Variants in CFAP299 observed in about 807,000 individuals in gnomAD.
CFAP299 encodes the protein cilia- and flagella-associated protein 299.
CFAP299 carries 21 observed loss-of-function variants against 27.0 expected under a neutral mutation model. The observed-to-expected ratio is 0.78, with a 90% confidence interval of 0.55 to 1.12. The LOEUF is 1.12. Ranked by LOEUF, CFAP299 falls within the 50% of genes most tolerant of loss-of-function variation. The pLI, the probability that CFAP299 is intolerant of heterozygous loss-of-function variation, is 0.00. For synonymous variants in CFAP299, 104 were observed against 98.1 expected, an observed-to-expected ratio of 1.06 and a Z score of -0.36; for missense variants, 310 against 276.6, an observed-to-expected ratio of 1.12 and a Z score of -0.86.
intron 2 of CFAP299, among the ~76,000 whole-genome samples, chr4:80,400,699 T>C (rs573983510): frequency 9.2e-5 from 14 of 152,292 alleles, no homozygotes; most frequent in Admixed American, 3.3e-4. Flanking sequence ...AGTAATACAG[T>C]AAATTTGTAC....
At chr4:80,892,458 T>C (rs1734356451) in intron 4 of CFAP299, among the ~76,000 whole-genome samples, 1 of 152,148 alleles carries the variant, frequency 6.6e-6, no homozygotes, top group Non-Finnish European at 1.5e-5. Context: ...AAAAATTTCT[T>C]GAGTAATACC....
chr4:80,950,253 A>ACCC (rs5859743), intron 5 of CFAP299, among the ~76,000 whole-genome samples: 1,676 of 145,464 alleles, frequency 0.012, 19 homozygotes, highest in East Asian at 0.067. Flanking sequence ...TCTTCCCTCC[A>ACCC]CCCCCCCCCT....
intron 3 of CFAP299, among the ~76,000 whole-genome samples, chr4:80,849,142 T>C (rs2110146262): frequency 6.6e-6 from 1 of 152,294 alleles, no homozygotes; most frequent in East Asian, 1.9e-4. Flanking sequence ...TATTTGTCTT[T>C]ATATCATTCT....
At chr4:80,773,178 T>G (rs1031819370) in intron 3 of CFAP299, among the ~76,000 whole-genome samples, 6 of 152,172 alleles carry the variant, frequency 3.9e-5, no homozygotes, top group Non-Finnish European at 7.3e-5. Flanking sequence ...ACAGAATTGG[T>G]AAAATTCTGG....
At chr4:80,771,577 A>G (rs1726219621) in intron 3 of CFAP299, among the ~76,000 whole-genome samples, 1 of 152,146 alleles carries the variant, frequency 6.6e-6, no homozygotes, top group South Asian at 2.1e-4. Flanking sequence ...ACTGGTTTAA[A>G]GAAGATAGGC....
intron 3 of CFAP299, among the ~76,000 whole-genome samples, chr4:80,738,803 T>C (rs1349936851): frequency 6.6e-6 from 1 of 151,990 alleles, no homozygotes; most frequent in African/African-American, 2.4e-5. Flanking sequence ...TTTTGGAGTC[T>C]TCTCTTTCTT....
intron 3 of CFAP299, among the ~76,000 whole-genome samples, chr4:80,837,558 A>G (rs763299276): frequency 3.6e-4 from 55 of 152,028 alleles, no homozygotes; most frequent in Non-Finnish European, 6.9e-4. Context: ...TTCCTTTGTT[A>G]GTTTGCTGAG....
In CFAP299 at chr4:80,680,302, T is replaced by G. The variant is rs139859006; in HGVS notation, c.333+97119T>G. On this transcript the variant is annotated intron_variant, in intron 3 of 5. Coordinates refer to ENST00000358105, the MANE Select transcript of CFAP299 (RefSeq NM_152770.3). Reference sequence around the variant, plus strand: ...TCAACCTCTGGACGAAATCTTAATTTCCATTTAAATAATTCCTCAGTTTCT... The same window carrying G: ...TCAACCTCTGGACGAAATCTTAATTGCCATTTAAATAATTCCTCAGTTTCT... Among the ~76,000 whole-genome samples, 174 of 152,280 alleles carry G rather than the reference T, an allele frequency of 1.1e-3. 1 individual carries two copies. The East Asian group carries it at 0.026, about 23-fold the overall frequency.
intron 3 of CFAP299, among the ~76,000 whole-genome samples, chr4:80,765,305 A>G (rs1333200701): frequency 6.6e-6 from 1 of 152,186 alleles, no homozygotes; most frequent in African/African-American, 2.4e-5. Context: ...AAACAGTCTC[A>G]GGAAGTTGGT....
intron 3 of CFAP299, among the ~76,000 whole-genome samples, chr4:80,828,395 T>C (rs566555830): frequency 2.8e-4 from 43 of 152,124 alleles, no homozygotes; most frequent in Non-Finnish European, 5.9e-4. Flanking sequence ...GCCTATGTGG[T>C]CAAATGATTT....
chr4:80,815,562 T>C (rs531616344), intron 3 of CFAP299, among the ~76,000 whole-genome samples: 2 of 151,954 alleles, frequency 1.3e-5, no homozygotes, highest in East Asian at 1.9e-4. Context: ...GAGGTATTAG[T>C]TTAAAAGTTA....
chr4:80,627,397 G>A (rs897999973), intron 3 of CFAP299, among the ~76,000 whole-genome samples: 6 of 151,916 alleles, frequency 3.9e-5, no homozygotes, highest in African/African-American at 1.4e-4. Context: ...TCAATGGGGA[G>A]AAGTTGACAG....
At chr4:80,357,685 C>T (rs1578350278) in intron 1 of CFAP299, among the ~76,000 whole-genome samples, 1 of 151,938 alleles carries the variant, frequency 6.6e-6, no homozygotes, top group South Asian at 2.1e-4. Context: ...TGGTTTTATC[C>T]CCCTGTTGTT....
intron 2 of CFAP299, among the ~76,000 whole-genome samples, chr4:80,470,866 T>G (rs967543314): frequency 2.0e-5 from 3 of 152,158 alleles, no homozygotes; most frequent in African/African-American, 7.2e-5. Flanking sequence ...ATGTTTATTT[T>G]TGCATTTTAT....
rs149550568 is a variant in CFAP299 at position 80,491,639 on chromosome 4, A to T, written c.243-91454A>T. ...ACTCTGATTTTTTTTTTCTTGCCCA[A>T]ATTCCTATCTAAGGGGTCTGGGGAG... On this transcript the variant is annotated intron_variant, in intron 2 of 5. Coordinates refer to ENST00000358105, the MANE Select transcript of CFAP299 (RefSeq NM_152770.3). Among the ~76,000 whole-genome samples the T allele has an allele frequency of 2.2e-3, 335 of 152,218 alleles. 2 individuals are homozygous for T. Among genetic ancestry groups the T allele is most frequent in the Admixed American group, 5.1e-3 (78 of 15,294 alleles).
chr4:80,914,763 A>G (rs1735663146), intron 4 of CFAP299, among the ~76,000 whole-genome samples: 1 of 152,178 alleles, frequency 6.6e-6, no homozygotes, highest in Non-Finnish European at 1.5e-5. Flanking sequence ...ATTTATTAAC[A>G]TAAAGTTGTT....
chr4:80,387,152 C>T (rs1725057659), intron 2 of CFAP299: 9 of 1,379,912 alleles, frequency 6.5e-6, no homozygotes, highest in African/African-American at 1.4e-5. Context: ...GTAGACGGCA[C>T]TGCCCTTCTT....
At chr4:80,345,325 G>A (rs978922559) in intron 1 of CFAP299, among the ~76,000 whole-genome samples, 5 of 151,960 alleles carry the variant, frequency 3.3e-5, no homozygotes, top group Admixed American at 2.6e-4. Flanking sequence ...TGCATAACGT[G>A]CAGGTTTGTT....
chr4:80,799,629 T>A lies in CFAP299; in HGVS notation c.334-70364T>A, dbSNP rs1343057485. ...TTTATATATTATATATTTATAAATA[T>A]ATAATATATAAAATATATATTTTAT... On this transcript the variant is annotated intron_variant, in intron 3 of 5. Coordinates refer to ENST00000358105, the MANE Select transcript of CFAP299 (RefSeq NM_152770.3). Among the ~76,000 whole-genome samples, 6 of 44,456 alleles carry A rather than the reference T, an allele frequency of 1.3e-4. 1 individual carries two copies. The highest frequency in any genetic ancestry group is 1.8e-4 in the Non-Finnish European group (5 of 27,392). 29.2% of individuals were successfully genotyped at this position (44,456 alleles called of 152,430 possible).
Sources: allele counts gnomAD v4.1 joint callset (sites outside exome capture counted in the v4.1 genomes callset), GRCh38; gene constraint gnomAD v4.1.1; transcripts MANE v1.5; gene names NCBI Gene and HGNC (gene_info 2026-07-23, HGNC 2026-07-21).